STXBP5L: variants seen among roughly 807,000 people sequenced by gnomAD.
The protein encoded by STXBP5L is syntaxin binding protein 5L, also known as syntaxin-binding protein 5-like.
In STXBP5L, 65 loss-of-function variants were observed where a neutral mutation model predicts 144.5. The observed-to-expected ratio is 0.45, with a 90% CI of 0.37 to 0.55. The LOEUF (loss-of-function observed/expected upper bound fraction) is 0.55. Among genes scored for constraint, STXBP5L ranks in the 20% least tolerant of loss-of-function variants. The probability of loss-of-function intolerance (pLI) is 0.00; values close to 1 mark genes in which losing one functional copy is unlikely to be tolerated. For missense variants in STXBP5L, 1,298 were observed against 1,405.5 expected, an observed-to-expected ratio of 0.92 and a Z score of 1.22; for synonymous variants, 505 against 469.6, an observed-to-expected ratio of 1.08 and a Z score of -0.97.
chr3:121,062,328 CT>C (rs1338710998), intron 5 of STXBP5L, among the ~76,000 whole-genome samples: 9 of 152,152 alleles, frequency 5.9e-5, no homozygotes, highest in African/African-American at 2.2e-4. Context: ...CCCCCACTTT[CT>C]TCTGGCTGGT....
chr3:121,353,396 C>T (rs949905604), intron 20 of STXBP5L, among the ~76,000 whole-genome samples: 3 of 152,090 alleles, frequency 2.0e-5, no homozygotes, highest in Non-Finnish European at 4.4e-5. Flanking sequence ...CAACTTTTTC[C>T]TGGTTTAGTC....
chr3:121,411,027 CTG>C (rs1289290743), intron 23 of STXBP5L, among the ~76,000 whole-genome samples: 2 of 152,036 alleles, frequency 1.3e-5, no homozygotes, highest in African/African-American at 4.8e-5. Context: ...ATCTGTTTAA[CTG>C]GGATTGGTTT....
chr3:121,110,237 G>C (rs554415145), intron 5 of STXBP5L, among the ~76,000 whole-genome samples: 1 of 152,174 alleles, frequency 6.6e-6, no homozygotes, highest in Non-Finnish European at 1.5e-5. Context: ...GTGTGAATTT[G>C]ATCCAGTCAT....
intron 10 of STXBP5L, among the ~76,000 whole-genome samples, chr3:121,208,417 G>A (rs952427893): frequency 6.6e-6 from 1 of 152,030 alleles, no homozygotes; most frequent in African/African-American, 2.4e-5. Context: ...CACCAACATG[G>A]TGCATGTATA....
chr3:121,321,084 A>T (rs2043955730), intron 20 of STXBP5L, among the ~76,000 whole-genome samples: 1 of 152,172 alleles, frequency 6.6e-6, no homozygotes, highest in Non-Finnish European at 1.5e-5. Context: ...AATTTTGACT[A>T]TTTTTGTATT....
At chr3:121,110,243 GTCA>G (rs2043915124) in intron 5 of STXBP5L, among the ~76,000 whole-genome samples, 1 of 152,296 alleles carries the variant, frequency 6.6e-6, no homozygotes, top group East Asian at 1.9e-4. Flanking sequence ...ATTTGATCCA[GTCA>G]TCATGATGCC....
chr3:121,206,019 A>G lies in STXBP5L; in HGVS notation c.956+18A>G. 7.1e-7 allele frequency: 1 copy of G among 1,408,844 alleles called. No individual in the cohort carries two copies. The highest frequency in any genetic ancestry group is 9.5e-7 in the Non-Finnish European group (1 of 1,054,348). The allele number at this position is 1,408,844 out of a possible 1,614,324, so 87.3% of individuals were successfully genotyped here. A position where few individuals can be genotyped will look rare whatever the true frequency, so the allele number is the denominator to read the frequency against. ...AAAAACAGGTATGCATTTTTACTTTAGGGAAAGAGGGATACGAAGCAGAGA... is the reference window on the plus strand; with the variant it reads ...AAAAACAGGTATGCATTTTTACTTTGGGGAAAGAGGGATACGAAGCAGAGA... On this transcript the variant is annotated intron_variant, in intron 10 of 26. Transcript: ENST00000471454.
chr3:121,057,034 G>A (rs1328612568), intron 5 of STXBP5L, among the ~76,000 whole-genome samples: 2 of 150,670 alleles, frequency 1.3e-5, no homozygotes, highest in East Asian at 1.9e-4. Context: ...AAACAAATTA[G>A]CAAGATCTTT....
chr3:121,175,276 G>C (rs191578047), intron 9 of STXBP5L, among the ~76,000 whole-genome samples: 1 of 152,166 alleles, frequency 6.6e-6, no homozygotes, highest in East Asian at 1.9e-4. Flanking sequence ...TGAAGGTTTG[G>C]TGCACTGAAG....
At position 121,279,785 on chromosome 3, in the gene STXBP5L, GT is replaced by G. The variant is rs761415823; in HGVS notation, c.1959-19del. The G allele has an allele frequency of 1.6e-4, 263 of 1,609,330 alleles. No individual in the cohort carries two copies. Among genetic ancestry groups the G allele is most frequent in the Non-Finnish European group, 2.2e-4 (255 of 1,177,432 alleles). ...ATGCTTGTTGTGATACATTCTAGTTGTATTTTTTTTCTCTCTTAGAGTTGCA... is the reference window on the plus strand; with the variant it reads ...ATGCTTGTTGTGATACATTCTAGTTGATTTTTTTTCTCTCTTAGAGTTGCA... On this transcript the variant is annotated intron_variant, in intron 18 of 26. Transcript: ENST00000471454.
chr3:121,042,100 T>A (rs2107551995), intron 4 of STXBP5L, among the ~76,000 whole-genome samples: 1 of 152,232 alleles, frequency 6.6e-6, no homozygotes, highest in East Asian at 1.9e-4. Context: ...TACACTCACT[T>A]CCCACCAACT....
chr3:121,215,302 G>A (rs549539188), intron 10 of STXBP5L, among the ~76,000 whole-genome samples: 1 of 152,132 alleles, frequency 6.6e-6, no homozygotes, highest in South Asian at 2.1e-4. Context: ...TAGTGTCTAT[G>A]GTCTTTACAA....
At chr3:121,077,258 C>T (rs903386757) in intron 5 of STXBP5L, among the ~76,000 whole-genome samples, 65 of 152,248 alleles carry the variant, frequency 4.3e-4, no homozygotes, top group Middle Eastern at 3.4e-3. Context: ...AGAAATGTTA[C>T]GGGGCAATCA....
chr3:121,050,843 T>C (rs1376642869), intron 5 of STXBP5L, among the ~76,000 whole-genome samples: 1 of 152,110 alleles, frequency 6.6e-6, no homozygotes, highest in East Asian at 1.9e-4. Flanking sequence ...GAAACCCATC[T>C]CATGTGCAGA....
At chr3:121,157,294 C>T (rs2046151046) in intron 8 of STXBP5L, among the ~76,000 whole-genome samples, 1 of 152,018 alleles carries the variant, frequency 6.6e-6, no homozygotes, top group African/African-American at 2.4e-5. Context: ...GTAGCTCTTA[C>T]TTAAATTATT....
intron 5 of STXBP5L, 49 bp from the exon 6 acceptor site, chr3:121,114,876 G>T: frequency 3.0e-6 from 4 of 1,321,344 alleles, no homozygotes; most frequent in South Asian, 1.6e-5. Flanking sequence ...ATATAATGCT[G>T]ACCAAATGTA....
intron 3 of STXBP5L, among the ~76,000 whole-genome samples, chr3:120,994,069 G>T (rs980124788): frequency 2.6e-5 from 4 of 151,728 alleles, no homozygotes; most frequent in African/African-American, 9.7e-5. Flanking sequence ...CGGGATTGCT[G>T]TCTCAATTTC....
At chr3:121,079,060 G>A (rs894389376) in intron 5 of STXBP5L, among the ~76,000 whole-genome samples, 1 of 152,262 alleles carries the variant, frequency 6.6e-6, no homozygotes, top group African/African-American at 2.4e-5. Flanking sequence ...AGCCCAGGCA[G>A]AGGAGGCGCC....
intron 2 of STXBP5L, among the ~76,000 whole-genome samples, chr3:120,924,245 G>T (rs189606246): frequency 6.6e-6 from 1 of 152,114 alleles, no homozygotes; most frequent in African/African-American, 2.4e-5. Flanking sequence ...ACTTAAATTA[G>T]AAAAGCCCAA....
Sources: gnomAD v4.1 joint callset for allele counts (sites outside exome capture counted in the v4.1 genomes callset) on GRCh38, gnomAD v4.1.1 for gene constraint, MANE v1.5 for transcripts, NCBI Gene and HGNC (gene_info 2026-07-23, HGNC 2026-07-21) for gene names.